CGNL1: variants seen among roughly 807,000 people sequenced by gnomAD.
The protein encoded by CGNL1 is cingulin like 1, also known as cingulin-like protein 1.
Under a neutral mutation model 141.2 loss-of-function variants are expected in CGNL1, and 132 were observed. The observed-to-expected ratio is 0.93, with a 90% CI of 0.81 to 1.08. The LOEUF is 1.08. Ranked by LOEUF, CGNL1 falls within the 50% of genes least tolerant of loss-of-function variation. The probability of loss-of-function intolerance (pLI) is 0.00; values close to 1 mark genes in which losing one functional copy is unlikely to be tolerated. For missense variants in CGNL1, 1,870 were observed against 1,588.6 expected (o/e 1.18, Z -3.01); for synonymous variants, 690 against 622.1 (o/e 1.11, Z -1.63).
At chr15:57,510,559 C>G (rs1489803958) in intron 8 of CGNL1, among the ~76,000 whole-genome samples, 1 of 152,132 alleles carries the variant, frequency 6.6e-6, no homozygotes, top group African/African-American at 2.4e-5. Context: ...AAAGTGACAC[C>G]ACTTCCTGGA....
At chr15:57,401,887 G>C (rs1337372249) in intron 1 of CGNL1, 3 of 152,158 alleles carry the variant, frequency 2.0e-5, no homozygotes, top group Non-Finnish European at 2.9e-5. Context: ...AGTGAGTTAA[G>C]CTCTAGTAAG....
At chr15:57,496,481 T>C (rs1354303971) in intron 8 of CGNL1, among the ~76,000 whole-genome samples, 3 of 152,140 alleles carry the variant, frequency 2.0e-5, no homozygotes, top group Non-Finnish European at 4.4e-5. Flanking sequence ...TGATCTCAGA[T>C]GGAATGGTTT....
At chr15:57,443,126 G>A (rs2152312373) in intron 4 of CGNL1, among the ~76,000 whole-genome samples, 1 of 152,336 alleles carries the variant, frequency 6.6e-6, no homozygotes, top group Middle Eastern at 3.4e-3. Context: ...AATGGGACTA[G>A]AGACTGGTGA....
intron 8 of CGNL1, chr15:57,478,137 T>A (rs1459970546): frequency 1.3e-5 from 2 of 152,164 alleles, no homozygotes; most frequent in African/African-American, 4.8e-5. Context: ...CCTGTTTGCA[T>A]CCAGCAGCCA....
intron 9 of CGNL1, among the ~76,000 whole-genome samples, chr15:57,517,628 G>A (rs920315221): frequency 2.0e-5 from 3 of 152,186 alleles, no homozygotes; most frequent in Non-Finnish European, 2.9e-5. Context: ...AGCCTCTAGC[G>A]AGGGCCGTCC....
At chr15:57,459,337 A>C (rs944759813) in intron 7 of CGNL1, among the ~76,000 whole-genome samples, 4 of 152,236 alleles carry the variant, frequency 2.6e-5, no homozygotes, top group Non-Finnish European at 1.5e-5. Context: ...TTCTTTCAAC[A>C]AGGATAAGTA....
At chr15:57,538,986 C>A (rs1231587533) in intron 14 of CGNL1, among the ~76,000 whole-genome samples, 1 of 152,196 alleles carries the variant, frequency 6.6e-6, no homozygotes, top group Non-Finnish European at 1.5e-5. Context: ...TTCTGGACCT[C>A]CCACCTGGAA....
At chr15:57,381,043 C>T (rs1323800641) in intron 1 of CGNL1, among the ~76,000 whole-genome samples, 1 of 152,138 alleles carries the variant, frequency 6.6e-6, no homozygotes, top group Non-Finnish European at 1.5e-5. Flanking sequence ...ACTGTTTTTC[C>T]CTTGGGTAGG....
In CGNL1 at chr15:57,461,683, C is replaced by A; in HGVS notation, c.2194C>A (p.Leu732Ile). Residue 732 changes from leucine (L) to isoleucine (I), a missense_variant, in exon 8 of 19, where the codon CTC (leucine) becomes ATC (isoleucine). By Grantham distance (5) the Leu-to-Ile change is conservative. Coordinates refer to ENST00000281282, the MANE Select transcript of CGNL1 (RefSeq NM_032866.5). ...DREKGALIEE[L>I]LQAKQDLQDL... is the part of the protein sequence containing the mutation. Reference sequence around the variant, plus strand: ...CCTTCGTGTTTCCTCTCTCTAGGAGCTCTTACAGGCAAAACAGGATCTTCA... The same window carrying A: ...CCTTCGTGTTTCCTCTCTCTAGGAGATCTTACAGGCAAAACAGGATCTTCA... 6.2e-7 allele frequency: 1 copy of A among 1,613,756 alleles called. No individual in the cohort carries two copies. Among genetic ancestry groups the A allele is most frequent in the South Asian group, 1.1e-5 (1 of 91,060 alleles).
intron 7 of CGNL1, among the ~76,000 whole-genome samples, chr15:57,457,366 CAT>C (rs1448838276): frequency 6.6e-6 from 1 of 152,176 alleles, no homozygotes; most frequent in African/African-American, 2.4e-5. Context: ...CAGCTGGTCT[CAT>C]AGTGTGTTCC....
chr15:57,547,576 C>T lies in CGNL1; in HGVS notation c.*86C>T. ...GGGAGGCAGGGAGGGGAGCATCTGT[C>T]TGCCACTGAGACCAATCACAGCCTC... is the stretch of plus-strand genomic sequence containing the variant. On this transcript the variant is annotated 3_prime_UTR_variant, in exon 19 of 19. Coordinates refer to ENST00000281282, the MANE Select transcript of CGNL1 (RefSeq NM_032866.5). The T allele has an allele frequency of 2.7e-6, 4 of 1,492,684 alleles. No individual in the cohort carries two copies. The highest frequency in any genetic ancestry group is 3.6e-6 in the Non-Finnish European group (4 of 1,096,510). The allele number at this position is 1,492,684 out of a possible 1,614,324, so 92.5% of individuals were successfully genotyped here.
chr15:57,546,111 G>T lies in CGNL1; in HGVS notation c.3645G>T (p.Val1215=), dbSNP rs752181077. The T allele has an allele frequency of 6.2e-7, 1 of 1,613,934 alleles. No individual in the cohort carries two copies. The highest frequency in any genetic ancestry group is 1.1e-5 in the South Asian group (1 of 91,046). ...GTTTGAAAGCCATGAAGCGGCAGGT[G>T]GAGGAGGCTGAGGAGGAAATCGACA... ...SLRLKAMKRQ[V]EEAEEEIDRL... The change falls in exon 18 of 19, where the codon GTG becomes GTT. Residue 1215 remains valine (V), a synonymous_variant. Coordinates refer to ENST00000281282, the MANE Select transcript of CGNL1 (RefSeq NM_032866.5).
intron 1 of CGNL1, among the ~76,000 whole-genome samples, chr15:57,419,715 G>A (rs1424680884): frequency 1.3e-5 from 2 of 152,226 alleles, no homozygotes; most frequent in South Asian, 2.1e-4. Flanking sequence ...TATCACTACT[G>A]ATATTGATCT....
intron 3 of CGNL1, 38 bp downstream of exon 3, chr15:57,440,509 G>T (rs748644034): frequency 3.4e-5 from 48 of 1,416,398 alleles, no homozygotes; most frequent in Middle Eastern, 1.7e-4. Context: ...AAGTATTGTT[G>T]TTTCTGGTGG....
At chr15:57,500,627 A>G (rs573520947) in intron 8 of CGNL1, among the ~76,000 whole-genome samples, 3 of 144,374 alleles carry the variant, frequency 2.1e-5, no homozygotes, top group Admixed American at 7.2e-5. Context: ...AGTTTTGTGA[A>G]AAATGTGGAT....
chr15:57,490,721 T>C (rs571550611), intron 8 of CGNL1, among the ~76,000 whole-genome samples: 67 of 151,966 alleles, frequency 4.4e-4, no homozygotes, highest in Non-Finnish European at 8.8e-4. Context: ...CCTTCCAGAG[T>C]GTACAGGATG....
chr15:57,447,390 T>G (rs1478268106), intron 4 of CGNL1, among the ~76,000 whole-genome samples: 1 of 152,216 alleles, frequency 6.6e-6, no homozygotes, highest in Non-Finnish European at 1.5e-5. Context: ...CTCTCAGTTT[T>G]CAGGAACTCT....
At chr15:57,530,998 A>G (rs2031920897) in intron 13 of CGNL1, among the ~76,000 whole-genome samples, 1 of 152,116 alleles carries the variant, frequency 6.6e-6, no homozygotes, top group Admixed American at 6.5e-5. Flanking sequence ...AAGGCTGACA[A>G]CCCCCAGTTG....
intron 1 of CGNL1, among the ~76,000 whole-genome samples, chr15:57,380,260 C>G (rs1260586525): frequency 2.6e-5 from 4 of 152,158 alleles, no homozygotes; most frequent in Admixed American, 6.5e-5. Context: ...TCTCGAACTC[C>G]TGACCTCAGG....
Sources: gnomAD v4.1 joint callset for allele counts (sites outside exome capture counted in the v4.1 genomes callset) on GRCh38, gnomAD v4.1.1 for gene constraint, MANE v1.5 for transcripts, NCBI Gene and HGNC (gene_info 2026-07-23, HGNC 2026-07-21) for gene names.